Variants in CADPS observed in about 807,000 individuals in gnomAD.
CADPS encodes calcium dependent secretion activator.
Under a neutral mutation model 167.3 loss-of-function variants are expected in CADPS, and 57 were observed. That is an observed-to-expected ratio of 0.34 (90% CI 0.28 to 0.42). The LOEUF is 0.42. Ranked by LOEUF, CADPS falls within the 20% of genes least tolerant of loss-of-function variation. The pLI, the probability that CADPS is intolerant of heterozygous loss-of-function variation, is 1.00. For synonymous variants in CADPS, 676 were observed against 635.3 expected (o/e 1.06, Z -0.96); for missense variants, 1,414 against 1,738.1 (o/e 0.81, Z 3.32).
intron 4 of CADPS, among the ~76,000 whole-genome samples, chr3:62,652,944 C>T (rs1481307432): frequency 6.6e-6 from 1 of 152,116 alleles, no homozygotes; most frequent in East Asian, 1.9e-4. Flanking sequence ...TGCTTCTTCT[C>T]CATAGAGCTT....
intron 21 of CADPS, among the ~76,000 whole-genome samples, chr3:62,486,867 AT>A (rs1261250114): frequency 6.6e-6 from 1 of 152,146 alleles, no homozygotes; most frequent in Non-Finnish European, 1.5e-5. Flanking sequence ...ATATTTATAC[AT>A]GCTTTTAATT....
intron 4 of CADPS, among the ~76,000 whole-genome samples, chr3:62,657,142 A>G (rs2150355073): frequency 6.6e-6 from 1 of 152,306 alleles, no homozygotes; most frequent in Middle Eastern, 3.4e-3. Context: ...TTCCATTTGT[A>G]TCTGGTTTAT....
At chr3:62,567,913 T>C (rs923735914) in intron 9 of CADPS, among the ~76,000 whole-genome samples, 3 of 152,126 alleles carry the variant, frequency 2.0e-5, no homozygotes, top group Admixed American at 6.5e-5. Flanking sequence ...CCCATTTACA[T>C]TGTATGCTCT....
chr3:62,831,152 G>C lies in CADPS; in HGVS notation c.441+43437C>G, dbSNP rs143500648. Among the ~76,000 whole-genome samples, 4 of 152,274 alleles carry C rather than the reference G, an allele frequency of 2.6e-5. No individual in the cohort carries two copies. The East Asian group carries it at 7.7e-4, about 29-fold the overall frequency. The stretch of plus-strand genomic sequence containing the variant: ...AACAGACTACTCACTTCTAACCATA[G>C]ATAAGTATTATAATAGCTAACATCT... On this transcript the variant is annotated intron_variant, in intron 1 of 29. Transcript: ENST00000383710.
At chr3:62,649,625 A>G (rs949329318) in intron 5 of CADPS, among the ~76,000 whole-genome samples, 1 of 123,694 alleles carries the variant, frequency 8.1e-6, no homozygotes, top group African/African-American at 3.1e-5. Context: ...CAGTGGCATG[A>G]TTATGGCTCA....
intron 8 of CADPS, 99 bp from the exon 9 acceptor site, chr3:62,571,037 C>T (rs897818075): frequency 3.1e-5 from 26 of 827,558 alleles, no homozygotes; most frequent in Admixed American, 9.8e-5. Context: ...AACAAGGAAA[C>T]GCACATGGCT....
At chr3:62,685,729 CT>C (rs11361192) in intron 3 of CADPS, among the ~76,000 whole-genome samples, 149,604 of 149,604 alleles carry the variant, frequency 1, 74,802 homozygotes, top group Non-Finnish European at 1. Flanking sequence ...GGATGAAACT[CT>C]TTTCACCTCA....
chr3:62,428,856 G>A (rs1035909454), intron 28 of CADPS, among the ~76,000 whole-genome samples: 1 of 152,204 alleles, frequency 6.6e-6, no homozygotes, highest in Non-Finnish European at 1.5e-5. Flanking sequence ...GACAGTGGCT[G>A]CTACTGGTGT....
chr3:62,830,787 A>G (rs535926132), intron 1 of CADPS, among the ~76,000 whole-genome samples: 7 of 152,248 alleles, frequency 4.6e-5, no homozygotes, highest in African/African-American at 1.7e-4. Context: ...ACTTGATTAG[A>G]TTATTCTTAC....
intron 6 of CADPS, among the ~76,000 whole-genome samples, chr3:62,599,324 C>A (rs1451631295): frequency 6.6e-6 from 1 of 150,662 alleles, no homozygotes; most frequent in Non-Finnish European, 1.5e-5. Flanking sequence ...AAATAGCCAC[C>A]AATTATTGAG....
At chr3:62,668,686 G>A (rs1042812931) in intron 3 of CADPS, among the ~76,000 whole-genome samples, 1 of 152,132 alleles carries the variant, frequency 6.6e-6, no homozygotes, top group East Asian at 1.9e-4. Context: ...CTACTAGGCT[G>A]TAAGCTCCAT....
chr3:62,773,238 C>T (rs1464840084), intron 1 of CADPS, among the ~76,000 whole-genome samples: 3 of 152,092 alleles, frequency 2.0e-5, no homozygotes, highest in East Asian at 3.9e-4. Context: ...TAAAGGAAGT[C>T]CTGCTTTTAG....
At chr3:62,592,811 A>T in intron 6 of CADPS, 63 bp from the exon 7 acceptor site, 4 of 1,241,844 alleles carry the variant, frequency 3.2e-6, no homozygotes, top group Non-Finnish European at 4.7e-6. Context: ...AAACTATTCC[A>T]TTGTTCCCAG....
chr3:62,790,276 T>A (rs540234082), intron 1 of CADPS, among the ~76,000 whole-genome samples: 1 of 152,088 alleles, frequency 6.6e-6, no homozygotes, highest in South Asian at 2.1e-4. Flanking sequence ...AATAACTGGA[T>A]TGTGGGTGAT....
At chr3:62,447,096 G>C (rs947400154) in intron 26 of CADPS, among the ~76,000 whole-genome samples, 2 of 152,112 alleles carry the variant, frequency 1.3e-5, no homozygotes, top group African/African-American at 4.8e-5. Flanking sequence ...GGGTGGGGTG[G>C]AAAGAGCCCA....
chr3:62,828,742 T>C (rs1172031610), intron 1 of CADPS, among the ~76,000 whole-genome samples: 3 of 152,192 alleles, frequency 2.0e-5, no homozygotes, highest in Non-Finnish European at 4.4e-5. Context: ...AAAAAAATTA[T>C]CTTCGACTTA....
chr3:62,405,460 A>T (rs200481228), intron 28 of CADPS, among the ~76,000 whole-genome samples: 12,918 of 150,600 alleles, frequency 0.086, 1,768 homozygotes, highest in African/African-American at 0.29. Flanking sequence ...AAAAAAAAAA[A>T]AAAATAAAAT....
At chr3:62,777,170 G>T (rs2090505445) in intron 1 of CADPS, among the ~76,000 whole-genome samples, 2 of 152,272 alleles carry the variant, frequency 1.3e-5, no homozygotes, top group South Asian at 4.1e-4. Context: ...GTCTTATAAG[G>T]TTTAATAGTG....
At chr3:62,411,517 C>A (rs1366446413) in intron 28 of CADPS, among the ~76,000 whole-genome samples, 1 of 152,160 alleles carries the variant, frequency 6.6e-6, no homozygotes, top group Non-Finnish European at 1.5e-5. Context: ...ATGTTTGAAG[C>A]TTTCAATGCG....
Sources: gnomAD v4.1 joint callset for allele counts (sites outside exome capture counted in the v4.1 genomes callset) on GRCh38, gnomAD v4.1.1 for gene constraint, MANE v1.5 for transcripts, NCBI Gene and HGNC (gene_info 2026-07-23, HGNC 2026-07-21) for gene names.